The following GLRA2 variants were observed in gnomAD, a reference collection of about 807,000 sequenced individuals.
The protein encoded by GLRA2 is glycine receptor alpha 2, also known as glycine receptor subunit alpha-2.
GLRA2 carries 11 observed loss-of-function variants against 31.6 expected under a neutral mutation model. That is an observed-to-expected ratio of 0.35 (90% confidence interval 0.22 to 0.58). The LOEUF (loss-of-function observed/expected upper bound fraction) is 0.58, where lower values mean the gene tolerates loss of function less well. Among genes scored for constraint, GLRA2 ranks in the 20% least tolerant of loss-of-function variants. The pLI is 0.84. For missense variants in GLRA2, 212 were observed against 351.8 expected (o/e 0.60, Z 3.18); for synonymous variants, 132 against 134.0 (o/e 0.99, Z 0.10).
chrX:14,462,611 T>G, the GLRA2 span, among the ~76,000 whole-genome samples: 1 of 111,747 alleles, frequency 8.9e-6, no homozygotes, highest in African/African-American at 3.3e-5. Context: ...CTTCAGTCAC[T>G]GATATCCTTT....
chrX:14,714,409 A>T (rs1334656600), intron 8 of GLRA2, among the ~76,000 whole-genome samples: 2 of 111,800 alleles, frequency 1.8e-5, no homozygotes, highest in African/African-American at 6.5e-5. Flanking sequence ...CCCAAGTATC[A>T]ATATTCCTGC....
At chrX:14,640,983 GC>G (rs1034250076) in intron 7 of GLRA2, among the ~76,000 whole-genome samples, 3 of 110,714 alleles carry the variant, frequency 2.7e-5, no homozygotes, top group Admixed American at 1.9e-4. Context: ...CAGTCCCCTA[GC>G]AAAATATGAG....
At chrX:14,651,110 C>T (rs1424744361) in intron 7 of GLRA2, among the ~76,000 whole-genome samples, 1 of 111,764 alleles carries the variant, frequency 8.9e-6, no homozygotes, top group African/African-American at 3.3e-5. Context: ...TGTAGTGTGC[C>T]ATCTCTGAGA....
At chrX:14,510,910 G>GT in the GLRA2 span, among the ~76,000 whole-genome samples, 388 of 108,734 alleles carry the variant, frequency 3.6e-3, 1 homozygote, top group Non-Finnish European at 6.1e-3. Flanking sequence ...TAACACTTTG[G>GT]TTTTTTTTTA....
chrX:14,723,598 G>C (rs2091891930), intron 8 of GLRA2, among the ~76,000 whole-genome samples: 1 of 111,534 alleles, frequency 9.0e-6, no homozygotes, highest in African/African-American at 3.3e-5. Flanking sequence ...GGTTTACAGG[G>C]CCCTATATGA....
chrX:14,464,969 T>C, the GLRA2 span, among the ~76,000 whole-genome samples: 1 of 112,357 alleles, frequency 8.9e-6, no homozygotes, highest in East Asian at 2.8e-4. Flanking sequence ...CCAGAATTGC[T>C]TTGACTATTT....
At chrX:14,461,761 C>T in the GLRA2 span, among the ~76,000 whole-genome samples, 3 of 111,896 alleles carry the variant, frequency 2.7e-5, no homozygotes, top group African/African-American at 9.8e-5. Flanking sequence ...TGAGATGGAT[C>T]TCCTGAATAG....
At chrX:14,472,761 CA>C in the GLRA2 span, among the ~76,000 whole-genome samples, 1 of 111,626 alleles carries the variant, frequency 9.0e-6, no homozygotes, top group Non-Finnish European at 1.9e-5. Flanking sequence ...CACAGAGATT[CA>C]GATGAGGAAG....
chrX:14,692,638 C>T (rs2091377493), intron 8 of GLRA2, among the ~76,000 whole-genome samples: 1 of 111,670 alleles, frequency 9.0e-6, no homozygotes, highest in Non-Finnish European at 1.9e-5. Flanking sequence ...AGAATCTGTA[C>T]CCTTAATAAG....
intron 8 of GLRA2, among the ~76,000 whole-genome samples, chrX:14,698,567 A>G: frequency 9.5e-6 from 1 of 105,366 alleles, no homozygotes; most frequent in Non-Finnish European, 1.9e-5. Flanking sequence ...GGTCCCAGGA[A>G]CTCATGAGGC....
the GLRA2 span, among the ~76,000 whole-genome samples, chrX:14,462,465 C>T: frequency 8.9e-6 from 1 of 111,948 alleles, no homozygotes; most frequent in Non-Finnish European, 1.9e-5. Flanking sequence ...TCCATTCTCC[C>T]AGTCACTTTC....
At position 14,610,109 on chromosome X, in the gene GLRA2, A is replaced by C. The variant is rs939413958; in HGVS notation, c.930+904A>C. ...ATTTTCCAGAATATGAGTTTAATTT[A>C]GGATTCAGTGTACATTGTCTCATAC... On this transcript the variant is annotated intron_variant, in intron 7 of 8. Coordinates refer to ENST00000218075, the MANE Select transcript of GLRA2 (RefSeq NM_002063.4). Among the ~76,000 whole-genome samples the C allele has an allele frequency of 3.6e-5, 4 of 112,307 alleles. No homozygotes were observed. In the Admixed American group the frequency reaches 3.8e-4, roughly 11 times the overall value.
intron 3 of GLRA2, among the ~76,000 whole-genome samples, chrX:14,578,164 TA>T (rs1323437514): frequency 8.9e-6 from 1 of 112,254 alleles, no homozygotes; most frequent in Non-Finnish European, 1.9e-5. Context: ...ATAGCATTAT[TA>T]AAAGTTTTAG....
Position 14,560,074 on chromosome X carries a change from C to T in GLRA2, c.203-14259C>T, listed in dbSNP as rs145008779. The stretch of plus-strand genomic sequence containing the variant: ...CTCTGACCCTTAACTCTACATCTTC[C>T]TGCTTCTTCTGTGTGCTTTATTTTC... On this transcript the variant is annotated intron_variant, in intron 2 of 8. Coordinates refer to ENST00000218075, the MANE Select transcript of GLRA2 (RefSeq NM_002063.4). Among the ~76,000 whole-genome samples, 539 of 111,985 alleles carry T rather than the reference C, an allele frequency of 4.8e-3. 3 individuals carry two copies. Among genetic ancestry groups the T allele is most frequent in the African/African-American group, 0.017 (521 of 30,791 alleles).
rs780744852 is a variant in GLRA2, at chrX:14,730,347, CAAG to C, written c.1228_1230del (p.Lys410del). 14 of 1,208,765 alleles carry C rather than the reference CAAG, an allele frequency of 1.2e-5. No individual in the cohort carries two copies. The highest frequency in any genetic ancestry group is 4.4e-5 in the Admixed American group (2 of 45,541). ...AACCGCCAAAAGATGGAGATGCTAT[CAAG>C]AAGAAGTTTGTGGACCGGGCAAAAA... On this transcript the variant is annotated inframe_deletion, in exon 9 of 9. Transcript: ENST00000218075.
At chrX:14,549,397 G>A (rs191358826) in intron 2 of GLRA2, among the ~76,000 whole-genome samples, 8 of 111,522 alleles carry the variant, frequency 7.2e-5, no homozygotes, top group Middle Eastern at 4.6e-3. Context: ...AGCAGAAGAG[G>A]AGCATAATTA....
intron 6 of GLRA2, among the ~76,000 whole-genome samples, chrX:14,608,606 CATATT>C (rs1331582327): frequency 6.4e-5 from 7 of 109,849 alleles, no homozygotes; most frequent in Admixed American, 2.9e-4. Flanking sequence ...CTATATATAA[CATATT>C]ATAACCCCCC....
At chrX:14,687,668 G>T (rs1470033485) in intron 7 of GLRA2, among the ~76,000 whole-genome samples, 2 of 111,785 alleles carry the variant, frequency 1.8e-5, no homozygotes, top group Non-Finnish European at 3.8e-5. Flanking sequence ...GTCATTTAAG[G>T]ACTTCTCTAC....
intron 7 of GLRA2, among the ~76,000 whole-genome samples, chrX:14,647,237 T>A (rs1429219399): frequency 1.8e-5 from 2 of 112,389 alleles, no homozygotes; most frequent in Non-Finnish European, 3.8e-5. Flanking sequence ...CAAACATTTG[T>A]CTTCAGCTGT....
Sources: allele counts gnomAD v4.1 joint callset (sites outside exome capture counted in the v4.1 genomes callset), GRCh38; gene constraint gnomAD v4.1.1; transcripts MANE v1.5; gene names NCBI Gene and HGNC (gene_info 2026-07-23, HGNC 2026-07-21).